RBMS3: variants seen among roughly 807,000 people sequenced by gnomAD.
RBMS3 encodes the protein RNA binding motif single stranded interacting protein 3.
In RBMS3, 27 loss-of-function variants were observed where a neutral mutation model predicts 66.8. The observed-to-expected ratio is 0.40, with a 90% CI of 0.30 to 0.56. The LOEUF (loss-of-function observed/expected upper bound fraction) is 0.56. RBMS3 is among the 20% of genes least tolerant of loss of function. The pLI, the probability that RBMS3 is intolerant of heterozygous loss-of-function variation, is 0.40. For missense variants in RBMS3, 513 were observed against 549.5 expected, an observed-to-expected ratio of 0.93 and a Z score of 0.66; for synonymous variants, 188 against 183.0, an observed-to-expected ratio of 1.03 and a Z score of -0.22.
intron 6 of RBMS3, among the ~76,000 whole-genome samples, chr3:29,786,099 A>C (rs1187623745): frequency 1.0e-5 from 1 of 99,792 alleles, no homozygotes; most frequent in African/African-American, 5.0e-5. Flanking sequence ...CAATAGCTGC[A>C]AAAAAAAAAA....
chr3:29,697,425 G>A (rs770176500), intron 4 of RBMS3, among the ~76,000 whole-genome samples: 5 of 152,062 alleles, frequency 3.3e-5, no homozygotes, highest in Admixed American at 6.6e-5. Context: ...AACTTCACCC[G>A]GTTTACTTTT....
chr3:29,922,464 G>A (rs371041530), intron 10 of RBMS3, among the ~76,000 whole-genome samples: 9 of 141,166 alleles, frequency 6.4e-5, no homozygotes, highest in South Asian at 4.6e-4. Flanking sequence ...TCCGCAGTCC[G>A]GCCTGGGCGA....
intron 1 of RBMS3, among the ~76,000 whole-genome samples, chr3:29,347,068 G>A (rs1026963476): frequency 3.9e-5 from 6 of 152,158 alleles, no homozygotes; most frequent in Non-Finnish European, 8.8e-5. Flanking sequence ...TGAACAAGGA[G>A]TTTCACCAAG....
chr3:29,869,647 A>T (rs1162213627), intron 7 of RBMS3, among the ~76,000 whole-genome samples: 1 of 152,144 alleles, frequency 6.6e-6, no homozygotes, highest in East Asian at 1.9e-4. Flanking sequence ...ATCCAGTGCC[A>T]CTTAGGAATG....
chr3:29,365,604 C>T (rs9849404), intron 1 of RBMS3, among the ~76,000 whole-genome samples: 95,184 of 151,818 alleles, frequency 0.63, 30,329 homozygotes, highest in Non-Finnish European at 0.69. Flanking sequence ...TCGTTCCCTC[C>T]GGCCCATACT....
In RBMS3 at chr3:29,575,007, C is replaced by T. The variant is rs142432523; in HGVS notation, c.308-12107C>T. On this transcript the variant is annotated intron_variant, in intron 3 of 14. Coordinates refer to ENST00000383767, the MANE Select transcript of RBMS3 (RefSeq NM_001003793.3). ...TTGATTGGTTCATCATTTAGTCTTT[C>T]CACTTAAGAGTAGTTTACACACCAC... 1.1e-4 allele frequency among the ~76,000 whole-genome samples: 17 copies of T among 152,238 alleles called. No homozygotes were observed. In the East Asian group the frequency reaches 3.1e-3, roughly 28 times the overall value.
At chr3:29,501,271 A>G (rs561507891) in intron 3 of RBMS3, among the ~76,000 whole-genome samples, 5 of 152,332 alleles carry the variant, frequency 3.3e-5, no homozygotes, top group African/African-American at 1.2e-4. Context: ...ATGGACTATT[A>G]GTACAACTAA....
rs531049377 is a variant in RBMS3, at chr3:29,838,236, G to A, written c.638-30622G>A. Among the ~76,000 whole-genome samples the A allele has an allele frequency of 9.3e-5, 14 of 151,288 alleles. No individual in the cohort carries two copies. The East Asian group carries it at 2.3e-3, about 25-fold the overall frequency. On this transcript the variant is annotated intron_variant, in intron 6 of 14. Transcript: ENST00000383767. The stretch of plus-strand genomic sequence containing the variant: ...CACCTGAAATCCCACCTACTGAGGA[G>A]GCCAGGGTGGGAGAATTACTTGAGC...
intron 3 of RBMS3, among the ~76,000 whole-genome samples, chr3:29,564,199 A>G (rs1459943066): frequency 6.6e-6 from 1 of 152,050 alleles, no homozygotes; most frequent in East Asian, 1.9e-4. Flanking sequence ...TTTTTAGGCC[A>G]GGAGCAGGGG....
At chr3:29,380,837 G>A (rs1401345057) in intron 1 of RBMS3, among the ~76,000 whole-genome samples, 1 of 152,178 alleles carries the variant, frequency 6.6e-6, no homozygotes, top group Non-Finnish European at 1.5e-5. Context: ...AGACCACTTT[G>A]AGTGTAGTGT....
At chr3:29,661,146 A>G (rs754986374) in intron 4 of RBMS3, among the ~76,000 whole-genome samples, 8 of 152,124 alleles carry the variant, frequency 5.3e-5, no homozygotes, top group Non-Finnish European at 8.8e-5. Context: ...AATTAACCAC[A>G]ATTTATCATC....
chr3:29,578,790 C>CTGTTTTTTTTTTTTTTTTTTTTT (rs2047215603), intron 3 of RBMS3, among the ~76,000 whole-genome samples: 1 of 101,086 alleles, frequency 9.9e-6, no homozygotes, highest in African/African-American at 4.5e-5. Context: ...ATACATGCTT[C>CTGTTTTTTTTTTTTTTTTTTTTT]TTTTTTTTTT....
At chr3:29,445,101 A>G (rs941593579) in intron 2 of RBMS3, among the ~76,000 whole-genome samples, 2 of 151,978 alleles carry the variant, frequency 1.3e-5, no homozygotes, top group Admixed American at 6.6e-5. Context: ...GGTAACTGAT[A>G]AATATTTAAT....
chr3:29,338,101 C>A (rs1255231208), intron 1 of RBMS3, among the ~76,000 whole-genome samples: 1 of 152,088 alleles, frequency 6.6e-6, no homozygotes, highest in African/African-American at 2.4e-5. Flanking sequence ...GATCTGGGAA[C>A]AAAATATGCA....
intron 12 of RBMS3, 31 bp downstream of exon 12, chr3:29,944,285 AT>A (rs773254655): frequency 6.5e-7 from 1 of 1,539,898 alleles, no homozygotes; most frequent in East Asian, 2.3e-5. Flanking sequence ...TTAAGACTGG[AT>A]TGGAGGGGAG....
intron 1 of RBMS3, among the ~76,000 whole-genome samples, chr3:29,399,470 T>C (rs558004344): frequency 4.6e-5 from 7 of 152,230 alleles, no homozygotes; most frequent in African/African-American, 1.7e-4. Context: ...TTTATTTGCC[T>C]TTTAGAAAAG....
chr3:29,931,334 T>C (rs1188220678), intron 10 of RBMS3, among the ~76,000 whole-genome samples: 1 of 152,160 alleles, frequency 6.6e-6, no homozygotes, highest in East Asian at 1.9e-4. Context: ...AGGTATTAAG[T>C]GCTAAAGTGA....
At chr3:29,376,783 G>A (rs1015937220) in intron 1 of RBMS3, among the ~76,000 whole-genome samples, 5 of 152,198 alleles carry the variant, frequency 3.3e-5, no homozygotes, top group African/African-American at 9.6e-5. Context: ...GCGGGCGCCT[G>A]TAGTCCCAGC....
At chr3:29,510,011 G>C (rs537857397) in intron 3 of RBMS3, among the ~76,000 whole-genome samples, 2 of 152,132 alleles carry the variant, frequency 1.3e-5, no homozygotes, top group African/African-American at 2.4e-5. Context: ...TGTGATTTTG[G>C]CTGTGATTAG....
Sources: gnomAD v4.1 joint callset for allele counts (sites outside exome capture counted in the v4.1 genomes callset) on GRCh38, gnomAD v4.1.1 for gene constraint, MANE v1.5 for transcripts, NCBI Gene and HGNC (gene_info 2026-07-23, HGNC 2026-07-21) for gene names.